Variants in KCNG2 observed in about 807,000 individuals in gnomAD.
KCNG2 encodes potassium voltage-gated channel modifier subfamily G member 2, also known as voltage-gated potassium channel regulatory subunit KCNG2.
KCNG2 carries 7 observed loss-of-function variants against 12.3 expected under a neutral mutation model. The ratio of observed to expected loss-of-function variants is 0.57; its 90% confidence interval spans 0.32 to 1.07. KCNG2 has a LOEUF of 1.07. Among genes scored for constraint, KCNG2 ranks in the 50% least tolerant of loss-of-function variants. KCNG2 has a pLI of 0.04. For missense variants in KCNG2, 703 were observed against 726.0 expected (o/e 0.97, Z 0.36); for synonymous variants, 414 against 351.4 (o/e 1.18, Z -1.99).
chr18:79,890,221 A>C (rs1249963158), intron 3 of KCNG2, among the ~76,000 whole-genome samples: 2 of 152,174 alleles, frequency 1.3e-5, no homozygotes. Flanking sequence ...TCATAGAATG[A>C]GCTGGGAACC....
Position 79,802,892 on chromosome 18 carries a change from C to T in KCNG2, c.-115+4878C>T, listed in dbSNP as rs57969408. 6.0e-3 allele frequency among the ~76,000 whole-genome samples: 912 copies of T among 152,288 alleles called. 5 individuals carry two copies. The highest frequency in any genetic ancestry group is 0.018 in the African/African-American group (753 of 41,556). On this transcript the variant is annotated intron_variant, in intron 1 of 3. Coordinates refer to ENST00000316249, the MANE Select transcript of KCNG2 (RefSeq NM_012283.2). ...TGAAATAAAATGCATTAAAAGTTAA[C>T]GCTTGGCTGGGTGCGGTGGCTCACG...
intron 3 of KCNG2, among the ~76,000 whole-genome samples, chr18:79,885,484 C>G (rs1980489738): frequency 6.6e-6 from 1 of 152,200 alleles, no homozygotes; most frequent in African/African-American, 2.4e-5. Context: ...GTTTCTGGCT[C>G]TGTGGCTGCA....
chr18:79,885,775 T>C (rs1251548170), intron 3 of KCNG2, among the ~76,000 whole-genome samples: 10 of 150,410 alleles, frequency 6.6e-5, no homozygotes, highest in Admixed American at 6.6e-4. Context: ...GACAGGAACA[T>C]GGGGACACAG....
At chr18:79,875,413 A>G (rs1409491723) in intron 3 of KCNG2, among the ~76,000 whole-genome samples, 1 of 152,064 alleles carries the variant, frequency 6.6e-6, no homozygotes, top group Non-Finnish European at 1.5e-5. Flanking sequence ...TTTCCACTCC[A>G]GCTTCACTGA....
chr18:79,834,677 G>A (rs1599381149), intron 1 of KCNG2, among the ~76,000 whole-genome samples: 1 of 152,198 alleles, frequency 6.6e-6, no homozygotes, highest in East Asian at 1.9e-4. Flanking sequence ...GAGATAATGG[G>A]AGTGCTAGAA....
chr18:79,874,296 C>CA (rs1245092140), intron 3 of KCNG2, among the ~76,000 whole-genome samples: 1 of 152,154 alleles, frequency 6.6e-6, no homozygotes, highest in Non-Finnish European at 1.5e-5. Context: ...ACCCTAATAA[C>CA]AAAAATATGA....
intron 1 of KCNG2, among the ~76,000 whole-genome samples, chr18:79,806,066 C>T (rs1284364155): frequency 6.6e-6 from 1 of 152,182 alleles, no homozygotes; most frequent in Non-Finnish European, 1.5e-5. Flanking sequence ...ATAGCCCACA[C>T]AGGTGGTGGG....
At chr18:79,863,081 A>G (rs189031556) in intron 2 of KCNG2, among the ~76,000 whole-genome samples, 320 of 152,268 alleles carry the variant, frequency 2.1e-3, no homozygotes, top group Non-Finnish European at 3.9e-3. Flanking sequence ...CAGGTTTTCC[A>G]TTGTGTTAAG....
intron 1 of KCNG2, among the ~76,000 whole-genome samples, chr18:79,845,043 A>G (rs1978577113): frequency 6.6e-6 from 1 of 152,232 alleles, no homozygotes; most frequent in Non-Finnish European, 1.5e-5. Flanking sequence ...CTTGTGGTTA[A>G]ACAAACTCTG....
intron 1 of KCNG2, among the ~76,000 whole-genome samples, chr18:79,827,174 G>A (rs1378129518): frequency 1.3e-5 from 2 of 152,282 alleles, no homozygotes; most frequent in East Asian, 1.9e-4. Context: ...TAGCAGGTGC[G>A]CCCCCACATG....
At chr18:79,849,678 C>T (rs1282894843) in intron 1 of KCNG2, among the ~76,000 whole-genome samples, 2 of 152,248 alleles carry the variant, frequency 1.3e-5, no homozygotes, top group Non-Finnish European at 2.9e-5. Flanking sequence ...AAGTCTGGGC[C>T]TCGGCTGGAG....
chr18:79,871,637 G>A (rs921690604), intron 3 of KCNG2, among the ~76,000 whole-genome samples: 6 of 152,190 alleles, frequency 3.9e-5, no homozygotes, highest in African/African-American at 9.6e-5. Context: ...GTGGCCCCCC[G>A]CGTCTGGGAG....
intron 1 of KCNG2, among the ~76,000 whole-genome samples, chr18:79,809,953 A>G (rs2087482168): frequency 6.6e-6 from 1 of 152,160 alleles, no homozygotes; most frequent in South Asian, 2.1e-4. Context: ...TGGTGGGCGG[A>G]GTCCTGTGCT....
chr18:79,898,211 A>C (rs1981048060), intron 3 of KCNG2, among the ~76,000 whole-genome samples: 1 of 152,148 alleles, frequency 6.6e-6, no homozygotes, highest in African/African-American at 2.4e-5. Flanking sequence ...TACTTCCTTC[A>C]TCTCCCTCCA....
In KCNG2 at chr18:79,877,578, C is replaced by G. The variant is rs982848253; in HGVS notation, c.624+13287C>G. On this transcript the variant is annotated intron_variant, in intron 3 of 3. Coordinates refer to ENST00000316249, the MANE Select transcript of KCNG2 (RefSeq NM_012283.2). The stretch of plus-strand genomic sequence containing the variant: ...GACCCCCTTGTTCTCACACCTCCGC[C>G]CCCCCCGAGAGTCACGGCACTCAGA... Among the ~76,000 whole-genome samples, 13 of 152,058 alleles carry G rather than the reference C, an allele frequency of 8.5e-5. No homozygotes were observed. In the East Asian group the frequency reaches 1.4e-3, roughly 16 times the overall value.
At chr18:79,893,896 C>T (rs905955535) in intron 3 of KCNG2, among the ~76,000 whole-genome samples, 1 of 149,796 alleles carries the variant, frequency 6.7e-6, no homozygotes, top group South Asian at 2.1e-4. Flanking sequence ...TCACTCCATT[C>T]GCATCTAATG....
chr18:79,875,257 T>C (rs926367032), intron 3 of KCNG2, among the ~76,000 whole-genome samples: 11 of 152,152 alleles, frequency 7.2e-5, no homozygotes, highest in Non-Finnish European at 1.3e-4. Context: ...TGCCCCATCA[T>C]GGGAAGAAAG....
At chr18:79,871,584 C>T (rs1979832373) in intron 3 of KCNG2, among the ~76,000 whole-genome samples, 1 of 152,132 alleles carries the variant, frequency 6.6e-6, no homozygotes, top group South Asian at 2.1e-4. Context: ...GCGGGGCTGA[C>T]GTCTTGCGGC....
At chr18:79,837,943 AG>A (rs1319494968) in intron 1 of KCNG2, among the ~76,000 whole-genome samples, 1 of 152,214 alleles carries the variant, frequency 6.6e-6, no homozygotes, top group African/African-American at 2.4e-5. Context: ...TGAAGAAAAA[AG>A]GTTTAATTGA....
Sources: gnomAD v4.1 joint callset for allele counts (sites outside exome capture counted in the v4.1 genomes callset) on GRCh38, gnomAD v4.1.1 for gene constraint, MANE v1.5 for transcripts, NCBI Gene and HGNC (gene_info 2026-07-23, HGNC 2026-07-21) for gene names.